Variants in HLA-DPB1 observed in about 807,000 individuals in gnomAD.
The protein encoded by HLA-DPB1 is HLA class II histocompatibility antigen, DP beta 1 chain.
Under a neutral mutation model 29.4 loss-of-function variants are expected in HLA-DPB1, and 30 were observed. The ratio of observed to expected loss-of-function variants is 1.02; its 90% confidence interval spans 0.76 to 1.38. The LOEUF is 1.38. Ranked by LOEUF, HLA-DPB1 falls within the 40% of genes most tolerant of loss-of-function variation. HLA-DPB1 has a pLI of 0.00. For synonymous variants in HLA-DPB1, 114 were observed against 134.0 expected, an observed-to-expected ratio of 0.85 and a Z score of 1.03; for missense variants, 261 against 327.5, an observed-to-expected ratio of 0.80 and a Z score of 1.57.
At chr6:33,083,329 T>C (rs1159341108) in intron 2 of HLA-DPB1, among the ~76,000 whole-genome samples, 2 of 152,232 alleles carry the variant, frequency 1.3e-5, no homozygotes, top group Non-Finnish European at 2.9e-5. Context: ...ATTAGGGACC[T>C]AGAAGACTAA....
At position 33,087,739 on chromosome 6, in the gene HLA-DPB1, T is replaced by C. The variant is rs9277553; in HGVS notation, c.*1205T>C. On this transcript the variant is annotated 3_prime_UTR_variant, in exon 6 of 6. Coordinates refer to ENST00000418931, the MANE Select transcript of HLA-DPB1 (RefSeq NM_002121.6). ...ATCGGGGGACCGGCTTCCTCCAATTTCAGGAGAGGTGGGGCTGAAGGCACA... is the reference window on the plus strand; with the variant it reads ...ATCGGGGGACCGGCTTCCTCCAATTCCAGGAGAGGTGGGGCTGAAGGCACA... Among the ~76,000 whole-genome samples the C allele has an allele frequency of 0.38, 57,728 of 151,886 alleles. 12,392 individuals are homozygous for C. Among genetic ancestry groups the C allele is most frequent in the East Asian group, 0.64 (3,309 of 5,174 alleles).
intron 1 of HLA-DPB1, among the ~76,000 whole-genome samples, chr6:33,077,636 C>G (rs926776090): frequency 6.6e-6 from 1 of 152,182 alleles, no homozygotes; most frequent in South Asian, 2.1e-4. Flanking sequence ...CCATTGTACT[C>G]TCAGGACATT....
chr6:33,086,597 G>A lies in HLA-DPB1; in HGVS notation c.*63G>A, dbSNP rs3749984. ...TTAGGAAAAGCATTTGCTGTGTTTC[G>A]TTAGCATCTGGCTCCAGGACAGACC... On this transcript the variant is annotated 3_prime_UTR_variant, in exon 6 of 6. Coordinates refer to ENST00000418931, the MANE Select transcript of HLA-DPB1 (RefSeq NM_002121.6). 1.5e-4 allele frequency: 81 copies of A among 548,270 alleles called. 1 individual carries two copies. The East Asian group carries it at 4.6e-3, about 31-fold the overall frequency. The allele number at this position is 548,270 out of a possible 1,614,324, so 34.0% of individuals were successfully genotyped here. A position where few individuals can be genotyped will look rare whatever the true frequency, so the allele number is the denominator to read the frequency against.
rs9277454 is a variant in HLA-DPB1, at chr6:33,084,946, C to G, written c.365-4C>G. 128,756 of 996,768 alleles carry G rather than the reference C, an allele frequency of 0.13. 25,400 individuals carry two copies. The highest frequency in any genetic ancestry group is 0.56 in the East Asian group (18,889 of 33,794). The allele number at this position is 996,768 out of a possible 1,614,324, so 61.7% of individuals were successfully genotyped here. On this transcript the variant is annotated splice_region_variant and splice_polypyrimidine_tract_variant and intron_variant, in intron 2 of 5. Coordinates refer to ENST00000418931, the MANE Select transcript of HLA-DPB1 (RefSeq NM_002121.6). ...ATTTCATTATTTTTCTTCCACGCTC[C>G]TAGTCCAGCCTAGGGTGAATGTTTC... is the stretch of plus-strand genomic sequence containing the variant.
At chr6:33,078,990 G>A (rs1481184894) in intron 1 of HLA-DPB1, among the ~76,000 whole-genome samples, 2 of 152,164 alleles carry the variant, frequency 1.3e-5, no homozygotes, top group Non-Finnish European at 2.9e-5. Flanking sequence ...AAGGCACCAG[G>A]AGAAGAGGCA....
At position 33,081,947 on chromosome 6, in the gene HLA-DPB1, C is replaced by G. The variant is rs1265919783; in HGVS notation, c.364+1012C>G. The G allele has an allele frequency of 2.0e-5, 3 of 152,000 alleles. No homozygotes were observed. The East Asian group carries it at 5.8e-4, about 29-fold the overall frequency. The allele number at this position is 152,000 out of a possible 1,614,324, so 9.4% of individuals were successfully genotyped here. A position where few individuals can be genotyped will look rare whatever the true frequency, so the allele number is the denominator to read the frequency against. On this transcript the variant is annotated intron_variant, in intron 2 of 5. Transcript: ENST00000418931. ...GGGGTGGGGAGCCTGGTGCACCAAC[C>G]TGAGGGACTTGAGGGAGTAGTATCA...
In HLA-DPB1 at chr6:33,080,691, A is replaced by G. The variant is rs780390413; in HGVS notation, c.120A>G (p.Gly40=). The G allele has an allele frequency of 6.2e-7, 1 of 1,612,752 alleles. No homozygotes were observed. Among genetic ancestry groups the G allele is most frequent in the Non-Finnish European group, 8.5e-7 (1 of 1,179,624 alleles). ...CCGCAGAGAATTACCTTTTCCAGGG[A>G]CGGCAGGAATGCTACGCGTTTAATG... ...RATPENYLFQ[G]RQECYAFNGT... Residue 40 remains glycine (G), a synonymous_variant, in exon 2 of 6, where the codon GGA becomes GGG. Coordinates refer to ENST00000418931, the MANE Select transcript of HLA-DPB1 (RefSeq NM_002121.6). The surrounding 1 kb of genome is among the most constrained non-coding windows in gnomAD (Gnocchi z 4.3).
chr6:33,078,222 T>G (rs1267579744), intron 1 of HLA-DPB1, among the ~76,000 whole-genome samples: 1 of 151,924 alleles, frequency 6.6e-6, no homozygotes, highest in African/African-American at 2.4e-5. Flanking sequence ...GTAGGGGGAA[T>G]GAGATGAGGC....
In HLA-DPB1 at chr6:33,080,394, A is replaced by T. The variant is rs1583114974; in HGVS notation, c.101-278A>T. 4 of 644,262 alleles carry T rather than the reference A, an allele frequency of 6.2e-6. No homozygotes were observed. Among genetic ancestry groups the T allele is most frequent in the Non-Finnish European group, 1.2e-5 (4 of 341,628 alleles). 39.9% of individuals were successfully genotyped at this position (644,262 alleles called of 1,614,324 possible). ...CCTCCTCCAGCCACCAGCAGAAGGGACTGCCTTCCCCTCAGTGCTCGCCCC... is the reference window on the plus strand; with the variant it reads ...CCTCCTCCAGCCACCAGCAGAAGGGTCTGCCTTCCCCTCAGTGCTCGCCCC... On this transcript the variant is annotated intron_variant, in intron 1 of 5. Transcript: ENST00000418931. The surrounding 1 kb of genome is among the most constrained non-coding windows in gnomAD (Gnocchi z 4.3).
chr6:33,083,177 A>G (rs1762949055), intron 2 of HLA-DPB1, among the ~76,000 whole-genome samples: 1 of 152,196 alleles, frequency 6.6e-6, no homozygotes, highest in Non-Finnish European at 1.5e-5. Flanking sequence ...AGAGGCTGAC[A>G]ATGTGGATCA....
intron 2 of HLA-DPB1, chr6:33,081,930 G>A (rs954826394): frequency 6.6e-6 from 1 of 152,348 alleles, no homozygotes; most frequent in Non-Finnish European, 1.5e-5. Context: ...GTGGGGTGGG[G>A]AGCCTGGTGC....
rs1376028007 is a variant in HLA-DPB1 at position 33,085,793 on chromosome 6, T to A, written c.661T>A (p.Ser221Thr). 6.2e-7 allele frequency: 1 copy of A among 1,613,742 alleles called. No homozygotes were observed. The highest frequency in any genetic ancestry group is 1.3e-5 in the African/African-American group (1 of 74,874). Residue 221 changes from serine to threonine, a missense_variant, in exon 4 of 6, where the codon TCT becomes ACT. Coordinates refer to ENST00000418931, the MANE Select transcript of HLA-DPB1 (RefSeq NM_002121.6). Reference protein sequence around the residue: ...VTVEWKAQSDSARSKTLTGAG... With the variant: ...VTVEWKAQSDTARSKTLTGAG... ...GTCCTTCCCAGAGGCACAGTCTGAT[T>A]CTGCCCGGAGTAAGACATTGACGGG...
Position 33,086,757 on chromosome 6 carries a change from A to G in HLA-DPB1, c.*223A>G, listed in dbSNP as rs901318338. The G allele has an allele frequency of 8.5e-5, 31 of 365,696 alleles. No homozygotes were observed. The highest frequency in any genetic ancestry group is 6.7e-4 in the African/African-American group (30 of 44,958). The allele number at this position is 365,696 out of a possible 1,614,324, so 22.7% of individuals were successfully genotyped here. A position where few individuals can be genotyped will look rare whatever the true frequency, so the allele number is the denominator to read the frequency against. On this transcript the variant is annotated 3_prime_UTR_variant, in exon 6 of 6. Coordinates refer to ENST00000418931, the MANE Select transcript of HLA-DPB1 (RefSeq NM_002121.6). ...TTCCCTTCTTCTTAGCACCACAAAT[A>G]ATCAAAACCCAACATGACTGTTTGT...
chr6:33,084,848 AAAAGGAAGGAAGGAAGGAAG>A lies in HLA-DPB1; in HGVS notation c.365-101_365-82del, dbSNP rs1209265797. 2.2e-5 allele frequency: 17 copies of A among 780,604 alleles called. 5 individuals carry two copies. In the African/African-American group the frequency reaches 3.1e-4, roughly 14 times the overall value. 48.4% of individuals were successfully genotyped at this position (780,604 alleles called of 1,614,324 possible). On this transcript the variant is annotated intron_variant, in intron 2 of 5. Transcript: ENST00000418931. ...GAAAGAGCGAGATTATGTCTCAAAA[AAAAGGAAGGAAGGAAGGAAG>A]GAAGGAAGGAAGGAAGGAAGGAAGG...
At chr6:33,079,575 A>C (rs1762727491) in intron 1 of HLA-DPB1, 1 of 413,844 alleles carries the variant, frequency 2.4e-6, no homozygotes, top group Admixed American at 2.9e-5. Flanking sequence ...AGAGGTCTTA[A>C]CAGTAGGGTT....
intron 1 of HLA-DPB1, among the ~76,000 whole-genome samples, chr6:33,077,029 C>T (rs887247369): frequency 6.6e-6 from 1 of 151,490 alleles, no homozygotes; most frequent in Non-Finnish European, 1.5e-5. Context: ...ATTAACTCGT[C>T]ATTTACATTA....
Position 33,080,750 on chromosome 6 carries a change from A to G in HLA-DPB1, c.179A>G (p.Asn60Ser). 1 of 1,613,468 alleles carries G rather than the reference A, an allele frequency of 6.2e-7. No individual in the cohort carries two copies. The change falls in exon 2 of 6, where the codon AAC becomes AGC. Residue 60 changes from asparagine (N) to serine (S), a missense_variant. Coordinates refer to ENST00000418931, the MANE Select transcript of HLA-DPB1 (RefSeq NM_002121.6). This position sits in a 1 kb window ranked among gnomAD's most constrained non-coding sequence, Gnocchi z 4.3. ...CGCTTCCTGGAGAGATACATCTACA[A>G]CCGGGAGGAGTTCGCGCGCTTCGAC... ...TQRFLERYIY[N>S]REEFARFDSD...
intron 4 of HLA-DPB1, 66 bp downstream of exon 4, chr6:33,085,955 GA>G: frequency 9.3e-7 from 1 of 1,075,500 alleles, no homozygotes; most frequent in East Asian, 2.4e-5. Context: ...ATTCCACGAT[GA>G]GGGGTTTGAC....
In HLA-DPB1 at chr6:33,076,038, C is replaced by T. The variant is rs781135433; in HGVS notation, c.-4C>T. 4 of 1,609,558 alleles carry T rather than the reference C, an allele frequency of 2.5e-6. No individual in the cohort carries two copies. Among genetic ancestry groups the T allele is most frequent in the African/African-American group, 2.7e-5 (2 of 74,910 alleles). ...TTTTCATTTTGCCATCCTTTTCCAG[C>T]TCCATGATGGTTCTGCAGGTTTCTG... On this transcript the variant is annotated 5_prime_UTR_variant, in exon 1 of 6. Coordinates refer to ENST00000418931, the MANE Select transcript of HLA-DPB1 (RefSeq NM_002121.6).
Sources: allele counts gnomAD v4.1 joint callset (sites outside exome capture counted in the v4.1 genomes callset), GRCh38; gene constraint gnomAD v4.1.1; non-coding constraint Gnocchi (gnomAD v3.1); transcripts MANE v1.5; gene names NCBI Gene and HGNC (gene_info 2026-07-23, HGNC 2026-07-21).